MDGA2: variants seen among roughly 807,000 people sequenced by gnomAD.
The protein encoded by MDGA2 is MAM domain-containing glycosylphosphatidylinositol anchor protein 2.
MDGA2 carries 40 observed loss-of-function variants against 117.8 expected under a neutral mutation model. That is an observed-to-expected ratio of 0.34 (90% CI 0.26 to 0.44). The LOEUF is 0.44. MDGA2 is among the 20% of genes least tolerant of loss of function. The pLI is 1.00. For synonymous variants in MDGA2, 452 were observed against 439.0 expected, an observed-to-expected ratio of 1.03 and a Z score of -0.37; for missense variants, 1,123 against 1,250.6, an observed-to-expected ratio of 0.90 and a Z score of 1.54.
intron 3 of MDGA2, among the ~76,000 whole-genome samples, chr14:47,155,826 A>G (rs1883346429): frequency 6.7e-6 from 1 of 149,194 alleles, no homozygotes; most frequent in Non-Finnish European, 1.5e-5. Context: ...CGACACCCCA[A>G]GGGTCTTGCG....
In MDGA2 at chr14:46,994,288, A is replaced by G. The variant is rs535402979; in HGVS notation, c.1820-36645T>C. 2.6e-5 allele frequency among the ~76,000 whole-genome samples: 4 copies of G among 152,176 alleles called. 1 individual carries two copies. Among genetic ancestry groups the G allele is most frequent in the Non-Finnish European group, 2.9e-5 (2 of 68,006 alleles). On this transcript the variant is annotated intron_variant, in intron 8 of 16. Transcript: ENST00000399232. ...CTTCCTTTGGCTGATTTTAGTCTGTATTCTTCCCTACAATAATCTGTAACT... is the reference window on the plus strand; with the variant it reads ...CTTCCTTTGGCTGATTTTAGTCTGTGTTCTTCCCTACAATAATCTGTAACT...
At chr14:47,340,403 A>G (rs1261867404) in intron 1 of MDGA2, among the ~76,000 whole-genome samples, 2 of 152,198 alleles carry the variant, frequency 1.3e-5, no homozygotes, top group Non-Finnish European at 2.9e-5. Flanking sequence ...GAAAAATAAA[A>G]AATAGCCAAA....
chr14:46,995,786 ATTCAT>A (rs1234326235), intron 8 of MDGA2, among the ~76,000 whole-genome samples: 2 of 152,058 alleles, frequency 1.3e-5, no homozygotes, highest in East Asian at 3.9e-4. Flanking sequence ...AAACATTTAT[ATTCAT>A]TTCTTTAATA....
intron 1 of MDGA2, among the ~76,000 whole-genome samples, chr14:47,323,908 G>A (rs987231172): frequency 2.0e-5 from 3 of 152,104 alleles, no homozygotes; most frequent in Non-Finnish European, 4.4e-5. Context: ...TCAATTTGAT[G>A]AATATTTAAT....
At chr14:47,080,190 A>G (rs1192221294) in intron 6 of MDGA2, among the ~76,000 whole-genome samples, 3 of 152,188 alleles carry the variant, frequency 2.0e-5, no homozygotes, top group Admixed American at 6.5e-5. Context: ...CTGTCATTAC[A>G]GACAGGGTAG....
At chr14:47,614,192 T>C (rs1340907194) in intron 1 of MDGA2, among the ~76,000 whole-genome samples, 1 of 150,242 alleles carries the variant, frequency 6.7e-6, no homozygotes, top group Non-Finnish European at 1.5e-5. Context: ...TGGGTTCAGA[T>C]GGTTCTCTTG....
rs375332903 is a variant in MDGA2, at chr14:47,312,693, G to GTTTTTTTTT, written c.281-11144_281-11143insAAAAAAAAA. On this transcript the variant is annotated intron_variant, in intron 1 of 16. Coordinates refer to ENST00000399232, the MANE Select transcript of MDGA2 (RefSeq NM_001113498.3). ...TAGTTTTTAGTTTTTTTTTTGTTTT[G>GTTTTTTTTT]TTTTGTTTTTTTTTTTTGTAGAGAT... 1.1e-4 allele frequency among the ~76,000 whole-genome samples: 12 copies of GTTTTTTTTT among 104,368 alleles called. 1 individual carries two copies. The highest frequency in any genetic ancestry group is 2.9e-4 in the South Asian group (1 of 3,402). 68.5% of individuals were successfully genotyped at this position (104,368 alleles called of 152,430 possible).
At chr14:46,976,217 T>C (rs1886454102) in intron 8 of MDGA2, among the ~76,000 whole-genome samples, 1 of 152,146 alleles carries the variant, frequency 6.6e-6, no homozygotes, top group African/African-American at 2.4e-5. Context: ...GCAAATTTTA[T>C]ATTATGTGTA....
At chr14:47,144,658 T>A (rs768569576) in intron 3 of MDGA2, among the ~76,000 whole-genome samples, 1 of 151,978 alleles carries the variant, frequency 6.6e-6, no homozygotes, top group Non-Finnish European at 1.5e-5. Flanking sequence ...TTCTCTTTTT[T>A]CTTTTTTTAA....
chr14:47,026,870 T>G (rs1345305745), intron 8 of MDGA2, among the ~76,000 whole-genome samples: 1 of 152,114 alleles, frequency 6.6e-6, no homozygotes, highest in African/African-American at 2.4e-5. Context: ...CATGTAAACT[T>G]TTTATTGAAA....
chr14:46,967,190 C>T (rs890209592), intron 8 of MDGA2, among the ~76,000 whole-genome samples: 5 of 152,022 alleles, frequency 3.3e-5, no homozygotes, highest in African/African-American at 1.2e-4. Context: ...CAATCACGTA[C>T]AGTTGAAAGA....
intron 6 of MDGA2, among the ~76,000 whole-genome samples, chr14:47,074,661 C>A (rs1174368129): frequency 6.6e-6 from 1 of 152,178 alleles, no homozygotes. Context: ...AGTCCAAACT[C>A]CTGCTGCATT....
chr14:47,451,231 T>G (rs1336990992), intron 1 of MDGA2, among the ~76,000 whole-genome samples: 1 of 152,110 alleles, frequency 6.6e-6, no homozygotes, highest in Non-Finnish European at 1.5e-5. Context: ...GATCTCTAAT[T>G]TGAACCAAGT....
chr14:47,127,327 T>C (rs1426865397), intron 5 of MDGA2, among the ~76,000 whole-genome samples: 1 of 152,150 alleles, frequency 6.6e-6, no homozygotes, highest in African/African-American at 2.4e-5. Context: ...TGCAATTACT[T>C]GTAGTTTACA....
chr14:47,634,876 C>T (rs563275888), intron 1 of MDGA2, among the ~76,000 whole-genome samples: 1 of 152,186 alleles, frequency 6.6e-6, no homozygotes, highest in African/African-American at 2.4e-5. Context: ...GAATCACTTT[C>T]AAAAGAGCAC....
chr14:46,844,864 G>T lies in MDGA2; in HGVS notation c.2989+902C>A, dbSNP rs1158717949. On this transcript the variant is annotated intron_variant, in intron 16 of 16. Transcript: ENST00000399232. Reference sequence around the variant, plus strand: ...ATGAAAGTGAGTTTTCACTAGATCTGATGATTTTTATTATTATTATTATTA... The same window carrying T: ...ATGAAAGTGAGTTTTCACTAGATCTTATGATTTTTATTATTATTATTATTA... Among the ~76,000 whole-genome samples the T allele has an allele frequency of 2.0e-5, 3 of 150,994 alleles. No homozygotes were observed. The East Asian group carries it at 5.8e-4, about 29-fold the overall frequency.
intron 1 of MDGA2, among the ~76,000 whole-genome samples, chr14:47,487,128 C>A (rs1310798704): frequency 7.2e-5 from 11 of 152,248 alleles, no homozygotes; most frequent in African/African-American, 2.6e-4. Flanking sequence ...CTTAGCCAAA[C>A]CTTGAGTAAA....
At chr14:47,171,497 T>C (rs564350072) in intron 3 of MDGA2, among the ~76,000 whole-genome samples, 1 of 152,322 alleles carries the variant, frequency 6.6e-6, no homozygotes, top group East Asian at 1.9e-4. Flanking sequence ...TTTCTAGGAT[T>C]CTTCTCAATT....
At position 47,353,662 on chromosome 14, in the gene MDGA2, A is replaced by G. The variant is rs111914243; in HGVS notation, c.281-52112T>C. On this transcript the variant is annotated intron_variant, in intron 1 of 16. Transcript: ENST00000399232. ...TAACAACAACAACAAAAGAAACCGT[A>G]GCAGTAAACAGCTTGCAACAAAGAA... Among the ~76,000 whole-genome samples, 1,366 of 152,348 alleles carry G rather than the reference A, an allele frequency of 9.0e-3. 17 individuals are homozygous for G. Among genetic ancestry groups the G allele is most frequent in the African/African-American group, 0.031 (1,272 of 41,588 alleles).
Sources: gnomAD v4.1 joint callset for allele counts (sites outside exome capture counted in the v4.1 genomes callset) on GRCh38, gnomAD v4.1.1 for gene constraint, MANE v1.5 for transcripts, NCBI Gene and HGNC (gene_info 2026-07-23, HGNC 2026-07-21) for gene names.